The following PCDHGB6 variants were observed in gnomAD, a reference collection of about 807,000 sequenced individuals.
PCDHGB6 encodes the protein protocadherin gamma-B6.
A neutral mutation model predicts 59.1 loss-of-function variants in PCDHGB6; 51 were observed. The ratio of observed to expected loss-of-function variants is 0.86; its 90% CI spans 0.69 to 1.09. The LOEUF (loss-of-function observed/expected upper bound fraction) is 1.09, where lower values mean the gene tolerates loss of function less well. Ranked by LOEUF, PCDHGB6 falls within the 50% of genes least tolerant of loss-of-function variation. PCDHGB6 has a pLI of 0.00. For missense variants in PCDHGB6, 1,148 were observed against 1,205.1 expected (o/e 0.95, Z 0.70); for synonymous variants, 466 against 495.1 (o/e 0.94, Z 0.78).
intron 2 of PCDHGB6, among the ~76,000 whole-genome samples, chr5:141,502,829 C>A (rs1034808123): frequency 2.0e-5 from 3 of 150,428 alleles, no homozygotes; most frequent in African/African-American, 7.4e-5. Context: ...CTTGGGGAAG[C>A]CTGGACTGGC....
chr5:141,472,980 C>CAAAAAAAAAAAAAAAAAGAAAAAAAAA (rs2099309731), intron 1 of PCDHGB6, among the ~76,000 whole-genome samples: 1 of 86,106 alleles, frequency 1.2e-5, no homozygotes, highest in Non-Finnish European at 2.5e-5. Flanking sequence ...GAGTGAAACT[C>CAAAAAAAAAAAAAAAAAGAAAAAAAAA]AAAAAAAAAA....
Position 141,477,068 on chromosome 5 carries a change from C to G in PCDHGB6, c.2419-17739C>G. The G allele has an allele frequency of 6.2e-7, 1 of 1,614,268 alleles. No individual in the cohort carries two copies. Among genetic ancestry groups the G allele is most frequent in the Non-Finnish European group, 8.5e-7 (1 of 1,180,046 alleles). On this transcript the variant is annotated intron_variant, in intron 1 of 3. Coordinates refer to ENST00000520790, the MANE Select transcript of PCDHGB6 (RefSeq NM_018926.3). This position sits in a 1 kb window ranked among gnomAD's most constrained non-coding sequence, Gnocchi z 4.9. ...GCTGGACTTCGAGGACACCAAACTC[C>G]ATGAGATTTACATCCAGGCCAAAGA...
chr5:141,496,723 T>G (rs1312615861), intron 2 of PCDHGB6, among the ~76,000 whole-genome samples: 3 of 152,212 alleles, frequency 2.0e-5, no homozygotes, highest in Non-Finnish European at 4.4e-5. Context: ...AAGTCATTAA[T>G]GTATTCATTC....
chr5:141,450,450 C>T (rs964666176), intron 1 of PCDHGB6, among the ~76,000 whole-genome samples: 5 of 151,996 alleles, frequency 3.3e-5, no homozygotes, highest in African/African-American at 9.7e-5. Context: ...TTTTATGTTT[C>T]CTCGTGATTT....
At chr5:141,430,383 GA>G (rs139772145) in intron 1 of PCDHGB6, among the ~76,000 whole-genome samples, 3,229 of 138,382 alleles carry the variant, frequency 0.023, 41 homozygotes, top group African/African-American at 0.033. Flanking sequence ...AGCTCATTGG[GA>G]AAAAAAAAAA....
intron 1 of PCDHGB6, among the ~76,000 whole-genome samples, chr5:141,435,696 A>G (rs932132128): frequency 1.3e-5 from 2 of 152,204 alleles, no homozygotes; most frequent in East Asian, 1.9e-4. Context: ...TGCTTATTGT[A>G]GAGTGGTTAC....
At chr5:141,483,603 A>T (rs1277479077) in intron 1 of PCDHGB6, among the ~76,000 whole-genome samples, 1 of 152,054 alleles carries the variant, frequency 6.6e-6, no homozygotes, top group Non-Finnish European at 1.5e-5. Context: ...AGGCTGGTTT[A>T]CACCTCCATC....
rs775680397 is a variant in PCDHGB6 at position 141,409,546 on chromosome 5, C to A, written c.1344C>A (p.Asn448Lys). The A allele has an allele frequency of 6.2e-7, 1 of 1,613,880 alleles. No homozygotes were observed. The highest frequency in any genetic ancestry group is 1.3e-5 in the African/African-American group (1 of 74,950). Reference sequence around the variant, plus strand: ...TGTATGTCGCTGACATCAACGACAACGCCCCAGTTTTCGACCAGACGTCCT... The same window carrying A: ...TGTATGTCGCTGACATCAACGACAAAGCCCCAGTTTTCGACCAGACGTCCT... ...ITLYVADINDNAPVFDQTSYV... is the reference protein window; with the variant it reads ...ITLYVADINDKAPVFDQTSYV... Residue 448 changes from asparagine to lysine, a missense_variant, in exon 1 of 4, where the codon AAC (asparagine) becomes AAA (lysine). Asn to Lys is a moderately conservative substitution (Grantham distance 94). Coordinates refer to ENST00000520790, the MANE Select transcript of PCDHGB6 (RefSeq NM_018926.3).
In PCDHGB6 at chr5:141,478,818, C is replaced by T. The variant is rs980032138; in HGVS notation, c.2419-15989C>T. ...AGCACTCTTTTGCTATCACAACTAA[C>T]CAATCTTGCTAAGGGATGGTTAAGC... On this transcript the variant is annotated intron_variant, in intron 1 of 3. Transcript: ENST00000520790. The T allele has an allele frequency of 2.1e-5, 30 of 1,449,330 alleles. No individual in the cohort carries two copies. The African/African-American group carries it at 3.3e-4, about 16-fold the overall frequency. 89.8% of individuals were successfully genotyped at this position (1,449,330 alleles called of 1,614,324 possible). A position where few individuals can be genotyped will look rare whatever the true frequency, so the allele number is the denominator to read the frequency against.
intron 1 of PCDHGB6, chr5:141,421,189 C>T: frequency 1.4e-6 from 2 of 1,477,674 alleles, no homozygotes; most frequent in South Asian, 2.7e-5. Flanking sequence ...CACAACCAAC[C>T]AGCTCGAGAA....
intron 1 of PCDHGB6, chr5:141,423,869 T>A (rs1239422805): frequency 5.4e-6 from 7 of 1,285,484 alleles, no homozygotes; most frequent in Non-Finnish European, 6.9e-6. Flanking sequence ...TGAAAGTCAT[T>A]TTTCAATCTT....
At position 141,432,540 on chromosome 5, in the gene PCDHGB6, T is replaced by A. The variant is rs147884705; in HGVS notation, c.2418+21920T>A. 7.6e-4 allele frequency: 1,222 copies of A among 1,613,608 alleles called. 1 individual carries two copies. The highest frequency in any genetic ancestry group is 1.1e-3 in the Admixed American group (64 of 59,988). ...TACCTGGTGACCAAGGTGGTGGCGG[T>A]GGACAGAGACTCCGGCCAGAACGCC... On this transcript the variant is annotated intron_variant, in intron 1 of 3. Transcript: ENST00000520790. This position sits in a 1 kb window ranked among gnomAD's most constrained non-coding sequence, Gnocchi z 6.0.
At chr5:141,458,438 CCCA>C (rs1221646653) in intron 1 of PCDHGB6, among the ~76,000 whole-genome samples, 3 of 152,024 alleles carry the variant, frequency 2.0e-5, no homozygotes, top group African/African-American at 7.2e-5. Context: ...GAGGAGGTCC[CCCA>C]CATTAACAAT....
Position 141,486,929 on chromosome 5 carries a change from G to A in PCDHGB6, c.2419-7878G>A. 2.5e-6 allele frequency: 4 copies of A among 1,614,226 alleles called. No individual in the cohort carries two copies. Among genetic ancestry groups the A allele is most frequent in the Non-Finnish European group, 2.5e-6 (3 of 1,180,038 alleles). ...CCAAGCACTGCCTCCATCAGTTGGT[G>A]CTGGCCACCTAATCACAAAGGTGAC... On this transcript the variant is annotated intron_variant, in intron 1 of 3. Transcript: ENST00000520790. This position sits in a 1 kb window ranked among gnomAD's most constrained non-coding sequence, Gnocchi z 5.0.
intron 1 of PCDHGB6, among the ~76,000 whole-genome samples, chr5:141,450,088 C>T (rs1358812478): frequency 1.3e-5 from 2 of 148,484 alleles, no homozygotes; most frequent in East Asian, 2.0e-4. Context: ...CTCACTGCAA[C>T]CTCCGCCTCC....
In PCDHGB6 at chr5:141,433,401, A is replaced by ATCTC. The variant is rs1554126038; in HGVS notation, c.2418+22784_2418+22785insCTCT. On this transcript the variant is annotated intron_variant, in intron 1 of 3. Transcript: ENST00000520790. ...TATCTATCTATCTATCTATCTATCT[A>ATCTC]TCTATTACTTTCTTGTACAGACAGG... Among the ~76,000 whole-genome samples, 677 of 150,598 alleles carry ATCTC rather than the reference A, an allele frequency of 4.5e-3. 6 individuals are homozygous for ATCTC. Among genetic ancestry groups the ATCTC allele is most frequent in the African/African-American group, 0.015 (630 of 40,958 alleles).
chr5:141,508,824 G>A (rs893436748), intron 3 of PCDHGB6, among the ~76,000 whole-genome samples: 9 of 151,952 alleles, frequency 5.9e-5, no homozygotes, highest in Admixed American at 3.3e-4. Flanking sequence ...CCAGATCTGG[G>A]CCCCCCTCCC....
At chr5:141,506,053 T>C (rs1486313858) in intron 3 of PCDHGB6, among the ~76,000 whole-genome samples, 1 of 152,126 alleles carries the variant, frequency 6.6e-6, no homozygotes, top group Non-Finnish European at 1.5e-5. Context: ...TCCCATAAGG[T>C]TGACTAAGGG....
intron 1 of PCDHGB6, among the ~76,000 whole-genome samples, chr5:141,482,530 C>CAAAAAAAAA (rs3074545): frequency 5.2e-4 from 40 of 76,506 alleles, no homozygotes; most frequent in African/African-American, 1.4e-3. Context: ...GACAGACATG[C>CAAAAAAAAA]AAAAAAAAAA....
Sources: gnomAD v4.1 joint callset for allele counts (sites outside exome capture counted in the v4.1 genomes callset) on GRCh38, gnomAD v4.1.1 for gene constraint, Gnocchi (gnomAD v3.1) non-coding constraint, MANE v1.5 for transcripts, NCBI Gene and HGNC (gene_info 2026-07-23, HGNC 2026-07-21) for gene names.